SPTB: variants seen among roughly 807,000 people sequenced by gnomAD.
SPTB encodes the protein spectrin beta, erythrocytic.
Under a neutral mutation model 256.2 loss-of-function variants are expected in SPTB, and 45 were observed. The ratio of observed to expected loss-of-function variants is 0.18; its 90% CI spans 0.14 to 0.23. The LOEUF is 0.23. SPTB is among the 10% of genes least tolerant of loss of function. The probability of loss-of-function intolerance (pLI) is 1.00; values close to 1 mark genes in which losing one functional copy is unlikely to be tolerated. For synonymous variants in SPTB, 1,231 were observed against 1,243.1 expected (o/e 0.99, Z 0.21); for missense variants, 2,715 against 3,040.4 (o/e 0.89, Z 2.52).
At chr14:64,791,694 G>GCCCCATGC (rs1332504787) in intron 15 of SPTB, 25 bp downstream of exon 15, 7 of 1,490,814 alleles carry the variant, frequency 4.7e-6, no homozygotes, top group African/African-American at 1.4e-5. Flanking sequence ...CAATGCCCCC[G>GCCCCATGC]CCCCATGCCC....
rs1291460027 is a variant in SPTB, at chr14:64,807,875, G to A, written c.149-2785C>T. On this transcript the variant is annotated intron_variant, in intron 2 of 35. Coordinates refer to ENST00000644917, the MANE Select transcript of SPTB (RefSeq NM_001355436.2). This position sits in a 1 kb window ranked among gnomAD's most constrained non-coding sequence, Gnocchi z 4.7. Reference sequence around the variant, plus strand: ...TCCTACTGGGACCCACCATGGGAAGGAGGCCTCAGCACAGCCCTGCCAGGA... The same window carrying A: ...TCCTACTGGGACCCACCATGGGAAGAAGGCCTCAGCACAGCCCTGCCAGGA... Among the ~76,000 whole-genome samples the A allele has an allele frequency of 6.6e-6, 1 of 152,326 alleles. No homozygotes were observed. The highest frequency in any genetic ancestry group is 2.1e-4 in the South Asian group (1 of 4,826).
At chr14:64,750,801 A>G (rs546285182) in intron 33 of SPTB, among the ~76,000 whole-genome samples, 49 of 147,456 alleles carry the variant, frequency 3.3e-4, no homozygotes, top group African/African-American at 1.2e-3. Context: ...TATGTAATAT[A>G]TATTTATATA....
Position 64,841,315 on chromosome 14 carries a change from T to G in SPTB, c.-51-18170A>C, listed in dbSNP as rs1483232043. On this transcript the variant is annotated intron_variant, in intron 1 of 35. Coordinates refer to ENST00000644917, the MANE Select transcript of SPTB (RefSeq NM_001355436.2). This position sits in a 1 kb window ranked among gnomAD's most constrained non-coding sequence, Gnocchi z 4.6. Reference sequence around the variant, plus strand: ...CCCTGCCCTTACCTCCTGTGATCACTGCCCTGTCAACCCAGCCAGACCCAA... The same window carrying G: ...CCCTGCCCTTACCTCCTGTGATCACGGCCCTGTCAACCCAGCCAGACCCAA... Among the ~76,000 whole-genome samples, 1 of 152,032 alleles carries G rather than the reference T, an allele frequency of 6.6e-6. No individual in the cohort carries two copies. Among genetic ancestry groups the G allele is most frequent in the Non-Finnish European group, 1.5e-5 (1 of 67,984 alleles).
chr14:64,877,129 C>G (rs1199240551), intron 1 of SPTB, among the ~76,000 whole-genome samples: 1 of 149,234 alleles, frequency 6.7e-6, no homozygotes, highest in South Asian at 2.1e-4. Context: ...ACTTCCAGGA[C>G]TGAAAGGAAA....
At chr14:64,815,280 AGCGG>A in intron 2 of SPTB, among the ~76,000 whole-genome samples, 3 of 65,762 alleles carry the variant, frequency 4.6e-5, no homozygotes. Flanking sequence ...TCTCCCATGA[AGCGG>A]GCATCTCCCA....
intron 1 of SPTB, among the ~76,000 whole-genome samples, chr14:64,879,271 G>A (rs775733691): frequency 2.0e-4 from 31 of 152,206 alleles, no homozygotes; most frequent in Non-Finnish European, 4.4e-4. Flanking sequence ...CCCCTCTGCT[G>A]CCCTCACCTG....
At chr14:64,767,398 G>T in intron 30 of SPTB, 46 bp from the exon 31 acceptor site, 1 of 1,612,194 alleles carries the variant, frequency 6.2e-7, no homozygotes, top group Non-Finnish European at 8.5e-7. Context: ...ACAGAGGCGA[G>T]TTGTGTTCTC....
Position 64,749,426 on chromosome 14 carries a change from C to G in SPTB, c.6867G>C (p.Glu2289Asp), listed in dbSNP as rs776925524. The G allele has an allele frequency of 2.0e-5, 32 of 1,605,684 alleles. No individual in the cohort carries two copies. Among genetic ancestry groups the G allele is most frequent in the Non-Finnish European group, 2.5e-5 (30 of 1,179,442 alleles). Residue 2289 changes from glutamate (E) to aspartate (D), a missense_variant, in exon 36 of 36, where the codon GAG becomes GAC. By Grantham distance (45) the Glu-to-Asp change is conservative. Around this residue, in one of 4 missense-constraint regions of SPTB, gnomAD observed 2,239 missense variants for 2,384.4 expected, o/e 0.94. Transcript: ENST00000644917. The surrounding 1 kb of genome is among the most constrained non-coding windows in gnomAD (Gnocchi z 4.7). The part of the protein sequence containing the change: ...WLQGVSTAIN[E>D]SQSIRVKAQS... Reference sequence around the variant, plus strand: ...GCGCCTTGACGCGGATGCTCTGGGACTCGTTGATGGCGGTGCTCACGCCCT... The same window carrying G: ...GCGCCTTGACGCGGATGCTCTGGGAGTCGTTGATGGCGGTGCTCACGCCCT...
intron 1 of SPTB, among the ~76,000 whole-genome samples, chr14:64,833,194 C>A (rs1037467779): frequency 6.6e-6 from 1 of 152,154 alleles, no homozygotes; most frequent in African/African-American, 2.4e-5. Context: ...GAAAAATCCT[C>A]GCTCCTTTAC....
Position 64,785,636 on chromosome 14 carries a change from G to T in SPTB, c.3765-9C>A, listed in dbSNP as rs772625754. The T allele has an allele frequency of 6.8e-6, 11 of 1,614,086 alleles. No individual in the cohort carries two copies. Among genetic ancestry groups the T allele is most frequent in the Non-Finnish European group, 9.3e-6 (11 of 1,179,992 alleles). On this transcript the variant is annotated splice_polypyrimidine_tract_variant and intron_variant, in intron 17 of 35. Coordinates refer to ENST00000644917, the MANE Select transcript of SPTB (RefSeq NM_001355436.2). The surrounding 1 kb of genome is among the most constrained non-coding windows in gnomAD (Gnocchi z 4.4). ...CGTTGTTCTTCCTGTGCCTGGAAAGGAAGCCAAAAGCACAGTCACAATAGT... is the reference window on the plus strand; with the variant it reads ...CGTTGTTCTTCCTGTGCCTGGAAAGTAAGCCAAAAGCACAGTCACAATAGT...
At chr14:64,860,033 T>C (rs1409972659) in intron 1 of SPTB, among the ~76,000 whole-genome samples, 1 of 152,132 alleles carries the variant, frequency 6.6e-6, no homozygotes, top group South Asian at 2.1e-4. Flanking sequence ...AATAAAATAC[T>C]TTTCCCCCCT....
At chr14:64,818,067 A>AAT (rs1258250948) in intron 2 of SPTB, among the ~76,000 whole-genome samples, 1 of 152,222 alleles carries the variant, frequency 6.6e-6, no homozygotes, top group African/African-American at 2.4e-5. Flanking sequence ...ACAAAGAGAC[A>AAT]ATGCAGGAAG....
rs548084310 is a variant in SPTB at position 64,800,326 on chromosome 14, T to C, written c.877-392A>G. 8.4e-4 allele frequency among the ~76,000 whole-genome samples: 128 copies of C among 152,276 alleles called. 1 individual carries two copies. The highest frequency in any genetic ancestry group is 1.5e-3 in the Non-Finnish European group (101 of 68,016). On this transcript the variant is annotated intron_variant, in intron 8 of 35. Coordinates refer to ENST00000644917, the MANE Select transcript of SPTB (RefSeq NM_001355436.2). ...CTTTACTAAACATGAGGCACAGAGATGAATGAGAAATGGTACCTATACTCT... is the reference window on the plus strand; with the variant it reads ...CTTTACTAAACATGAGGCACAGAGACGAATGAGAAATGGTACCTATACTCT...
intron 20 of SPTB, 148 bp from the exon 21 acceptor site, chr14:64,780,079 C>T (rs1401488495): frequency 5.4e-6 from 4 of 741,880 alleles, no homozygotes; most frequent in Non-Finnish European, 9.6e-6. Context: ...TCCCAGTCAT[C>T]TTTCCCTCTT....
chr14:64,768,992 G>A, intron 29 of SPTB, 42 bp downstream of exon 29: 2 of 1,524,612 alleles, frequency 1.3e-6, no homozygotes, highest in Non-Finnish European at 9.1e-7. Context: ...CTCCTGCGGG[G>A]GTACTCCTGC....
chr14:64,866,069 A>T lies in SPTB; in HGVS notation c.-52+13723T>A, dbSNP rs1429661355. On this transcript the variant is annotated intron_variant, in intron 1 of 35. Coordinates refer to ENST00000644917, the MANE Select transcript of SPTB (RefSeq NM_001355436.2). This position sits in a 1 kb window ranked among gnomAD's most constrained non-coding sequence, Gnocchi z 4.6. ...ACAGAGACCATGGTGTGGCTAAAATACCACAAAGTAAAACATCTATGAAAT... is the reference window on the plus strand; with the variant it reads ...ACAGAGACCATGGTGTGGCTAAAATTCCACAAAGTAAAACATCTATGAAAT... Among the ~76,000 whole-genome samples, 3 of 152,204 alleles carry T rather than the reference A, an allele frequency of 2.0e-5. No individual in the cohort carries two copies. The highest frequency in any genetic ancestry group is 7.2e-5 in the African/African-American group (3 of 41,446).
intron 3 of SPTB, among the ~76,000 whole-genome samples, 153 bp from the exon 4 acceptor site, chr14:64,803,933 T>C (rs1332956367): frequency 2.0e-5 from 3 of 152,228 alleles, no homozygotes; most frequent in Non-Finnish European, 2.9e-5. Context: ...TATTCAATGC[T>C]TTCCTTTTAG....
At position 64,766,810 on chromosome 14, in the gene SPTB, GAC is replaced by G. The variant is rs771160966; in HGVS notation, c.6270-11_6270-10del. 8 of 1,610,240 alleles carry G rather than the reference GAC, an allele frequency of 5.0e-6. No homozygotes were observed. Among genetic ancestry groups the G allele is most frequent in the East Asian group, 2.2e-5 (1 of 44,884 alleles). On this transcript the variant is annotated splice_polypyrimidine_tract_variant and intron_variant, in intron 31 of 35. Coordinates refer to ENST00000644917, the MANE Select transcript of SPTB (RefSeq NM_001355436.2). ...CTTCCTCCTCTTGAGGCCTAAGGAAGACACAGTCTCTCTTTAGAAACAAGCAC... is the reference window on the plus strand; with the variant it reads ...CTTCCTCCTCTTGAGGCCTAAGGAAGACAGTCTCTCTTTAGAAACAAGCAC...
In SPTB at chr14:64,800,819, C is replaced by T; in HGVS notation, c.813G>A (p.Val271=). The T allele has an allele frequency of 1.2e-6, 2 of 1,614,218 alleles. No homozygotes were observed. Among genetic ancestry groups the T allele is most frequent in the Non-Finnish European group, 1.7e-6 (2 of 1,180,042 alleles). Residue 271 remains valine (V), a synonymous_variant, in exon 8 of 36, where the codon GTG becomes GTA. Coordinates refer to ENST00000644917, the MANE Select transcript of SPTB (RefSeq NM_001355436.2). ...PDEKSIITYV[V]AFYHYFSKMK... ...TCTTGGAGAAGTAGTGGTAAAAGGCCACCACATAGGTGATGATGGATTTCT... is the reference window on the plus strand; with the variant it reads ...TCTTGGAGAAGTAGTGGTAAAAGGCTACCACATAGGTGATGATGGATTTCT...
Sources: allele counts gnomAD v4.1 joint callset (sites outside exome capture counted in the v4.1 genomes callset), GRCh38; gene constraint gnomAD v4.1.1; regional missense constraint gnomAD v4.1.1; non-coding constraint Gnocchi (gnomAD v3.1); transcripts MANE v1.5; gene names NCBI Gene and HGNC (gene_info 2026-07-23, HGNC 2026-07-21).